The following DZANK1 variants were observed in gnomAD, a reference collection of about 807,000 sequenced individuals.
The protein encoded by DZANK1 is double zinc ribbon and ankyrin repeat domains 1.
DZANK1 carries 91 observed loss-of-function variants against 94.5 expected under a neutral mutation model. The ratio of observed to expected loss-of-function variants is 0.96; its 90% confidence interval spans 0.81 to 1.15. DZANK1 has a LOEUF of 1.15. DZANK1 is among the 50% of genes most tolerant of loss of function. The pLI, the probability that DZANK1 is intolerant of heterozygous loss-of-function variation, is 0.00. For synonymous variants in DZANK1, 312 were observed against 325.3 expected (o/e 0.96, Z 0.44); for missense variants, 903 against 916.4 (o/e 0.99, Z 0.19).
At chr20:18,417,417 AAG>A (rs1204392666) in intron 10 of DZANK1, among the ~76,000 whole-genome samples, 5 of 152,238 alleles carry the variant, frequency 3.3e-5, no homozygotes, top group Non-Finnish European at 7.3e-5. Flanking sequence ...AGAATATTTC[AAG>A]AATTCCAGAA....
intron 18 of DZANK1, 26 bp downstream of exon 18, chr20:18,390,353 A>G: frequency 5.6e-6 from 9 of 1,609,900 alleles, no homozygotes; most frequent in Non-Finnish European, 7.7e-6. Context: ...CTCTTCAGAG[A>G]GACTGGCTCC....
In DZANK1 at chr20:18,442,558, T is replaced by C. The variant is rs1371905352; in HGVS notation, c.747+789A>G. ...TAAATTAAATTAACTTCTACAAAAA[T>C]ATTGAGCAATATATTAGAAAAATAT... On this transcript the variant is annotated intron_variant, in intron 8 of 20. Transcript: ENST00000262547. 2.0e-5 allele frequency among the ~76,000 whole-genome samples: 3 copies of C among 152,178 alleles called. No individual in the cohort carries two copies. In the East Asian group the frequency reaches 5.8e-4, roughly 29 times the overall value.
chr20:18,462,350 T>C (rs117052737), intron 2 of DZANK1, among the ~76,000 whole-genome samples: 2,005 of 152,186 alleles, frequency 0.013, 20 homozygotes, highest in Non-Finnish European at 0.021. Flanking sequence ...CAGGGATAAG[T>C]TCTGCTCAGC....
intron 11 of DZANK1, among the ~76,000 whole-genome samples, chr20:18,414,885 T>C (rs1469697639): frequency 6.6e-6 from 1 of 152,192 alleles, no homozygotes; most frequent in African/African-American, 2.4e-5. Context: ...TACTTATACA[T>C]GCATTGAATA....
At chr20:18,455,640 G>A (rs1266554619) in intron 3 of DZANK1, among the ~76,000 whole-genome samples, 3 of 152,176 alleles carry the variant, frequency 2.0e-5, no homozygotes, top group African/African-American at 7.2e-5. Context: ...GCTCTTCCAT[G>A]TGGCTGCCAT....
chr20:18,420,267 G>A (rs918782572), intron 10 of DZANK1: 2 of 190,290 alleles, frequency 1.1e-5, no homozygotes, highest in Non-Finnish European at 2.3e-5. Context: ...ACCCATAGGT[G>A]TTTACACAGC....
chr20:18,463,587 CTA>C (rs1363469414), intron 2 of DZANK1, among the ~76,000 whole-genome samples: 1 of 152,184 alleles, frequency 6.6e-6, no homozygotes, highest in East Asian at 1.9e-4. Context: ...ATTGTGAAAA[CTA>C]TTTATTTATT....
intron 2 of DZANK1, among the ~76,000 whole-genome samples, chr20:18,460,915 T>C (rs957206312): frequency 1.3e-5 from 2 of 152,220 alleles, no homozygotes; most frequent in Non-Finnish European, 2.9e-5. Flanking sequence ...TAGGTCCTAT[T>C]TTACACCCAT....
At chr20:18,393,722 CCTT>C (rs1184057637) in exon 17 of DZANK1, 3 of 1,605,822 alleles carry the variant, frequency 1.9e-6, no homozygotes, top group South Asian at 1.1e-5. Context: ...ATAAGCTGCT[CCTT>C]CTTTTCTTGA....
intron 13 of DZANK1, among the ~76,000 whole-genome samples, chr20:18,402,496 T>C (rs951166211): frequency 1.3e-5 from 2 of 152,138 alleles, no homozygotes; most frequent in African/African-American, 4.8e-5. Flanking sequence ...ATACGGTGCA[T>C]GTGGTCCCTC....
chr20:18,448,071 G>T (rs187265652), intron 7 of DZANK1, among the ~76,000 whole-genome samples: 1 of 152,068 alleles, frequency 6.6e-6, no homozygotes, highest in Non-Finnish European at 1.5e-5. Flanking sequence ...TGTATATACA[G>T]TAACTTTTGT....
At chr20:18,397,268 T>C (rs940660894) in intron 14 of DZANK1, among the ~76,000 whole-genome samples, 2 of 152,182 alleles carry the variant, frequency 1.3e-5, no homozygotes, top group Non-Finnish European at 1.5e-5. Flanking sequence ...AATTGGGTAA[T>C]ACTGGAAAAT....
intron 13 of DZANK1, among the ~76,000 whole-genome samples, chr20:18,400,030 C>T (rs2056586949): frequency 6.6e-6 from 1 of 152,192 alleles, no homozygotes; most frequent in Admixed American, 6.5e-5. Flanking sequence ...CATTTATTAG[C>T]TTAGTGATGT....
In DZANK1 at chr20:18,389,464, T is replaced by A. The variant is rs182395509; in HGVS notation, c.2018+237A>T. Among the ~76,000 whole-genome samples the A allele has an allele frequency of 2.1e-3, 319 of 152,334 alleles. 5 individuals are homozygous for A. Among genetic ancestry groups the A allele is most frequent in the African/African-American group, 7.3e-3 (302 of 41,580 alleles). The stretch of plus-strand genomic sequence containing the variant: ...TAAGTTTATGAATTAACAAAATGTA[T>A]CATCATTTATAAAAGCCACTAAATT... On this transcript the variant is annotated intron_variant, in intron 19 of 20. Coordinates refer to ENST00000262547, the Ensembl canonical transcript of DZANK1.
chr20:18,418,512 A>G (rs889470997), intron 10 of DZANK1, among the ~76,000 whole-genome samples: 2 of 152,156 alleles, frequency 1.3e-5, no homozygotes, highest in African/African-American at 2.4e-5. Context: ...GGTATTCAGT[A>G]TGTTGAGGAA....
intron 17 of DZANK1, among the ~76,000 whole-genome samples, chr20:18,392,344 C>T (rs933503956): frequency 6.6e-6 from 1 of 152,258 alleles, no homozygotes; most frequent in African/African-American, 2.4e-5. Context: ...GTGTTTGTTA[C>T]ATACAAAGCA....
At chr20:18,452,493 G>T in intron 6 of DZANK1, 122 bp downstream of exon 6, 2 of 1,175,060 alleles carry the variant, frequency 1.7e-6, no homozygotes, top group Non-Finnish European at 2.3e-6. Context: ...AGTATTCCCA[G>T]CACTAGAACA....
intron 9 of DZANK1, among the ~76,000 whole-genome samples, chr20:18,429,407 A>T (rs891538118): frequency 3.9e-5 from 6 of 152,184 alleles, no homozygotes; most frequent in Non-Finnish European, 7.3e-5. Context: ...CTGTTTTTTT[A>T]AATTTTAATT....
intron 8 of DZANK1, among the ~76,000 whole-genome samples, chr20:18,442,582 A>G (rs2058746319): frequency 6.6e-6 from 1 of 152,266 alleles, no homozygotes; most frequent in Non-Finnish European, 1.5e-5. Context: ...TTAGAAAAAT[A>G]TTAAAACAGC....
Sources: allele counts gnomAD v4.1 joint callset (sites outside exome capture counted in the v4.1 genomes callset), GRCh38; gene constraint gnomAD v4.1.1; transcripts MANE v1.5; gene names NCBI Gene and HGNC (gene_info 2026-07-23, HGNC 2026-07-21).